The following PDZD2 variants were observed in gnomAD, a reference collection of about 807,000 sequenced individuals.
PDZD2 encodes the protein PDZ domain-containing protein 2.
In PDZD2, 90 loss-of-function variants were observed where a neutral mutation model predicts 220.7. That is an observed-to-expected ratio of 0.41 (90% CI 0.34 to 0.49). The LOEUF (loss-of-function observed/expected upper bound fraction) is 0.49. Among genes scored for constraint, PDZD2 ranks in the 20% least tolerant of loss-of-function variants. PDZD2 has a pLI of 0.28. For missense variants in PDZD2, 3,174 were observed against 3,608.5 expected, an observed-to-expected ratio of 0.88 and a Z score of 3.08; for synonymous variants, 1,375 against 1,450.5, an observed-to-expected ratio of 0.95 and a Z score of 1.18.
intron 2 of PDZD2, among the ~76,000 whole-genome samples, chr5:31,889,219 A>C (rs529227108): frequency 1.3e-5 from 2 of 152,172 alleles, no homozygotes; most frequent in African/African-American, 4.8e-5. Context: ...AAGTATTTAC[A>C]TTGGAGCCGT....
intron 1 of PDZD2, among the ~76,000 whole-genome samples, chr5:31,725,364 G>T (rs1364166732): frequency 6.6e-6 from 1 of 151,312 alleles, no homozygotes; most frequent in Non-Finnish European, 1.5e-5. Context: ...AAAAAGAGTG[G>T]CTTCTCAACA....
Position 31,725,729 on chromosome 5 carries a change from C to A in PDZD2, c.-360-73160C>A. The stretch of plus-strand genomic sequence containing the variant: ...AGTTTTGGTATGAGATGCAGGCCTG[C>A]AACGTGATTTAGCCTTCATTTCTTT... On this transcript the variant is annotated intron_variant, in intron 1 of 24. Coordinates refer to ENST00000438447, the MANE Select transcript of PDZD2 (RefSeq NM_178140.4). 4.5e-6 allele frequency: 4 copies of A among 883,368 alleles called. No homozygotes were observed. In the South Asian group the frequency reaches 5.4e-5, roughly 12 times the overall value. 54.7% of individuals were successfully genotyped at this position (883,368 alleles called of 1,614,324 possible).
chr5:31,719,643 T>C (rs1439916690), intron 1 of PDZD2, among the ~76,000 whole-genome samples: 5 of 152,260 alleles, frequency 3.3e-5, no homozygotes, highest in African/African-American at 1.2e-4. Context: ...CTGTGTCTTC[T>C]CTAATTAGAA....
At chr5:31,894,732 A>T (rs1411010909) in intron 2 of PDZD2, among the ~76,000 whole-genome samples, 1 of 152,116 alleles carries the variant, frequency 6.6e-6, no homozygotes, top group Non-Finnish European at 1.5e-5. Flanking sequence ...GGGTTGAAAG[A>T]TAATGTCGTA....
At chr5:31,879,943 T>A (rs2150334771) in intron 2 of PDZD2, among the ~76,000 whole-genome samples, 1 of 150,464 alleles carries the variant, frequency 6.6e-6, no homozygotes, top group South Asian at 2.1e-4. Context: ...CACGGATTCT[T>A]GCTCTTGTTG....
At chr5:31,642,924 C>A (rs1048858829) in intron 1 of PDZD2, among the ~76,000 whole-genome samples, 1 of 152,112 alleles carries the variant, frequency 6.6e-6, no homozygotes, top group Non-Finnish European at 1.5e-5. Context: ...TGGAGGCAGC[C>A]AGGAGGGAAA....
chr5:32,073,941 C>T lies in PDZD2; in HGVS notation c.2835C>T (p.Leu945=), dbSNP rs267600601. The T allele has an allele frequency of 6.2e-7, 1 of 1,614,064 alleles. No individual in the cohort carries two copies. Among genetic ancestry groups the T allele is most frequent in the Non-Finnish European group, 8.5e-7 (1 of 1,179,936 alleles). The stretch of plus-strand genomic sequence containing the variant: ...TGACAGTTGCCAGACAAGCCAGTCT[C>T]CCCGGAAGCCCACAGGCCCTCCGAA... The part of the protein sequence containing the change: ...KQVTVARQAS[L]PGSPQALRNP... The change falls in exon 18 of 25, where the codon CTC becomes CTT. Residue 945 remains leucine, a synonymous_variant. Coordinates refer to ENST00000438447, the MANE Select transcript of PDZD2 (RefSeq NM_178140.4).
At chr5:31,696,181 A>G (rs1295362625) in intron 1 of PDZD2, among the ~76,000 whole-genome samples, 3 of 152,182 alleles carry the variant, frequency 2.0e-5, no homozygotes, top group Non-Finnish European at 4.4e-5. Context: ...GGGATGTAAC[A>G]TCTGCACCTA....
chr5:31,783,802 G>A (rs114054888), intron 1 of PDZD2, among the ~76,000 whole-genome samples: 2 of 152,142 alleles, frequency 1.3e-5, no homozygotes, highest in Non-Finnish European at 2.9e-5. Context: ...GTGCCCTTGT[G>A]CCTATGTTGT....
chr5:31,921,539 A>G (rs1267602656), intron 2 of PDZD2, among the ~76,000 whole-genome samples: 1 of 152,026 alleles, frequency 6.6e-6, no homozygotes, highest in Non-Finnish European at 1.5e-5. Context: ...CAAAAAAAAA[A>G]ATTAGCTGGG....
At chr5:32,058,600 G>C (rs2112333243) in intron 12 of PDZD2, among the ~76,000 whole-genome samples, 1 of 150,810 alleles carries the variant, frequency 6.6e-6, no homozygotes, top group South Asian at 2.1e-4. Flanking sequence ...CTCGAACCCG[G>C]GAGGCAGAGG....
At chr5:31,870,628 G>T (rs533351210) in intron 2 of PDZD2, among the ~76,000 whole-genome samples, 1 of 151,992 alleles carries the variant, frequency 6.6e-6, no homozygotes, top group Admixed American at 6.6e-5. Flanking sequence ...TGGCTCACGC[G>T]TATAATCCCA....
intron 1 of PDZD2, among the ~76,000 whole-genome samples, chr5:31,729,393 G>A (rs1749379026): frequency 6.6e-6 from 1 of 152,092 alleles, no homozygotes; most frequent in African/African-American, 2.4e-5. Flanking sequence ...CACCGTGCCC[G>A]GCCGAGAGAT....
intron 6 of PDZD2, among the ~76,000 whole-genome samples, chr5:32,014,887 T>A (rs900739981): frequency 6.6e-6 from 1 of 151,304 alleles, no homozygotes; most frequent in Non-Finnish European, 1.5e-5. Context: ...TTTTGTATTT[T>A]TAGTAGAGAA....
intron 7 of PDZD2, among the ~76,000 whole-genome samples, chr5:32,046,494 C>G (rs1450590111): frequency 6.6e-6 from 1 of 152,118 alleles, no homozygotes; most frequent in East Asian, 1.9e-4. Flanking sequence ...CGGCCCACCT[C>G]GGCCTCTCAA....
chr5:31,741,884 C>T (rs1194085364), intron 1 of PDZD2: 1 of 152,206 alleles, frequency 6.6e-6, no homozygotes, highest in Non-Finnish European at 1.5e-5. Context: ...CTAGTGAAAT[C>T]TTAACCCAGG....
intron 5 of PDZD2, among the ~76,000 whole-genome samples, chr5:32,003,054 CCACACACACAT>C (rs377571354): frequency 0.044 from 5,983 of 134,906 alleles, 523 homozygotes; most frequent in African/African-American, 0.17. Flanking sequence ...ACTACACACA[CCACACACACAT>C]CACACACCCA....
At chr5:32,056,811 C>T (rs904677368) in intron 10 of PDZD2, among the ~76,000 whole-genome samples, 35 of 152,174 alleles carry the variant, frequency 2.3e-4, no homozygotes, top group African/African-American at 5.8e-4. Context: ...ATTTTTGGGC[C>T]GGGAGCAGTA....
intron 2 of PDZD2, among the ~76,000 whole-genome samples, chr5:31,861,055 G>A (rs1046059355): frequency 3.3e-5 from 5 of 152,152 alleles, no homozygotes; most frequent in East Asian, 1.9e-4. Flanking sequence ...AAAGTCTGTC[G>A]TGGAGTTTCT....
Sources: gnomAD v4.1 joint callset for allele counts (sites outside exome capture counted in the v4.1 genomes callset) on GRCh38, gnomAD v4.1.1 for gene constraint, MANE v1.5 for transcripts, NCBI Gene and HGNC (gene_info 2026-07-23, HGNC 2026-07-21) for gene names.